The following KIAA1217 variants were observed in gnomAD, a reference collection of about 807,000 sequenced individuals.
KIAA1217 encodes the protein sickle tail protein homolog.
A neutral mutation model predicts 163.9 loss-of-function variants in KIAA1217; 88 were observed. The observed-to-expected ratio is 0.54, with a 90% confidence interval of 0.45 to 0.64. The LOEUF is 0.64. Ranked by LOEUF, KIAA1217 falls within the 30% of genes least tolerant of loss-of-function variation. The pLI, the probability that KIAA1217 is intolerant of heterozygous loss-of-function variation, is 0.00. For missense variants in KIAA1217, 2,372 were observed against 2,475.0 expected (o/e 0.96, Z 0.88); for synonymous variants, 903 against 923.1 (o/e 0.98, Z 0.39).
intron 2 of KIAA1217, among the ~76,000 whole-genome samples, chr10:24,223,479 T>C (rs2069958360): frequency 6.6e-6 from 1 of 152,102 alleles, no homozygotes; most frequent in African/African-American, 2.4e-5. Flanking sequence ...CAGGCTTCCT[T>C]TGCAGGAAGA....
At chr10:24,167,612 C>T (rs986811778) in intron 2 of KIAA1217, among the ~76,000 whole-genome samples, 1 of 152,114 alleles carries the variant, frequency 6.6e-6, no homozygotes, top group Admixed American at 6.5e-5. Flanking sequence ...CCAACTTGGA[C>T]AACTGTGAAG....
At chr10:23,940,328 C>G (rs1240134862) in intron 1 of KIAA1217, among the ~76,000 whole-genome samples, 1 of 151,840 alleles carries the variant, frequency 6.6e-6, no homozygotes, top group Non-Finnish European at 1.5e-5. Flanking sequence ...GGTGTGGTGG[C>G]AGGTGCCTGT....
At chr10:23,819,920 T>A (rs1426487279) in intron 1 of KIAA1217, among the ~76,000 whole-genome samples, 1 of 152,184 alleles carries the variant, frequency 6.6e-6, no homozygotes, top group African/African-American at 2.4e-5. Context: ...AAATAAAACT[T>A]CTGGACTAAA....
chr10:24,123,109 G>A (rs1470174668), intron 2 of KIAA1217, among the ~76,000 whole-genome samples: 2 of 145,936 alleles, frequency 1.4e-5, no homozygotes, highest in Non-Finnish European at 3.0e-5. Flanking sequence ...GTGTATTTTG[G>A]TATCTTGGCA....
intron 2 of KIAA1217, among the ~76,000 whole-genome samples, chr10:24,147,002 T>C (rs1320466772): frequency 6.8e-6 from 1 of 146,120 alleles, no homozygotes; most frequent in Non-Finnish European, 1.5e-5. Context: ...TGTTTTTGTT[T>C]TGTTAAAAAA....
intron 2 of KIAA1217, among the ~76,000 whole-genome samples, chr10:24,367,706 T>A (rs1215217455): frequency 3.9e-5 from 6 of 152,236 alleles, no homozygotes; most frequent in Admixed American, 3.9e-4. Context: ...ATTTTAATAA[T>A]GATCATAATG....
intron 1 of KIAA1217, among the ~76,000 whole-genome samples, chr10:23,910,954 A>T (rs1416273868): frequency 6.6e-6 from 1 of 152,146 alleles, no homozygotes; most frequent in East Asian, 1.9e-4. Context: ...CAATGGCCAT[A>T]CCCTGGAATT....
intron 5 of KIAA1217, among the ~76,000 whole-genome samples, chr10:24,470,537 CA>C (rs1275294419): frequency 6.6e-6 from 1 of 152,094 alleles, no homozygotes; most frequent in Non-Finnish European, 1.5e-5. Context: ...GGAGTGAGGA[CA>C]GCATCAGGAT....
Position 24,544,253 on chromosome 10 carries a change from C to T in KIAA1217, c.4983C>T (p.Asn1661=), listed in dbSNP as rs773462385. Reference sequence around the variant, plus strand: ...CAAGAACTGATGAAATTAGAAAAAACACCTACAGAACATTGGATAGCCTGG... The same window carrying T: ...CAAGAACTGATGAAATTAGAAAAAATACCTACAGAACATTGGATAGCCTGG... ...PISRTDEIRK[N]TYRTLDSLEQ... Residue 1661 remains asparagine (N), a synonymous_variant, in exon 19 of 21, where the codon AAC becomes AAT. Transcript: ENST00000376454. 3 of 1,614,138 alleles carry T rather than the reference C, an allele frequency of 1.9e-6. No homozygotes were observed. Among genetic ancestry groups the T allele is most frequent in the Non-Finnish European group, 2.5e-6 (3 of 1,180,042 alleles).
chr10:23,740,031 G>GC (rs915335419), intron 1 of KIAA1217, among the ~76,000 whole-genome samples: 1 of 150,872 alleles, frequency 6.6e-6, no homozygotes, highest in African/African-American at 2.5e-5. Flanking sequence ...GGTGAAGATG[G>GC]GGGGGTTCCA....
At chr10:23,852,653 A>G (rs1293507503) in intron 1 of KIAA1217, among the ~76,000 whole-genome samples, 1 of 152,094 alleles carries the variant, frequency 6.6e-6, no homozygotes, top group Non-Finnish European at 1.5e-5. Flanking sequence ...ATGAGCATGG[A>G]ATGTTCTTCC....
intron 1 of KIAA1217, among the ~76,000 whole-genome samples, chr10:23,923,014 T>C (rs1053020736): frequency 6.6e-6 from 1 of 152,190 alleles, no homozygotes; most frequent in Non-Finnish European, 1.5e-5. Context: ...TCTTTAGTGG[T>C]GAGTTCTGAG....
chr10:23,789,658 T>C (rs1198591480), intron 1 of KIAA1217, among the ~76,000 whole-genome samples: 1 of 152,084 alleles, frequency 6.6e-6, no homozygotes, highest in Non-Finnish European at 1.5e-5. Flanking sequence ...AATGTAGAGC[T>C]TTATTCAGCT....
chr10:23,725,410 A>G (rs1428083651), intron 1 of KIAA1217, among the ~76,000 whole-genome samples: 1 of 152,232 alleles, frequency 6.6e-6, no homozygotes, highest in African/African-American at 2.4e-5. Context: ...TGTTTAAGGA[A>G]TACACAGAAA....
At chr10:24,299,239 G>T (rs2040999916) in intron 2 of KIAA1217, among the ~76,000 whole-genome samples, 3 of 152,210 alleles carry the variant, frequency 2.0e-5, no homozygotes, top group South Asian at 4.1e-4. Flanking sequence ...AGGTTCTTTA[G>T]ATTATTTTGA....
chr10:24,413,281 G>A (rs2057959410), intron 3 of KIAA1217, among the ~76,000 whole-genome samples: 1 of 152,156 alleles, frequency 6.6e-6, no homozygotes, highest in Non-Finnish European at 1.5e-5. Flanking sequence ...CACCTCCTGG[G>A]TTTAAGTGAT....
intron 1 of KIAA1217, among the ~76,000 whole-genome samples, chr10:23,941,161 A>G (rs1843748414): frequency 1.3e-5 from 2 of 152,240 alleles, no homozygotes; most frequent in Admixed American, 6.5e-5. Flanking sequence ...GGTTGTTCAG[A>G]CAGTCAAATT....
At chr10:23,997,188 A>C (rs1456066571) in intron 1 of KIAA1217, among the ~76,000 whole-genome samples, 1 of 152,220 alleles carries the variant, frequency 6.6e-6, no homozygotes, top group Non-Finnish European at 1.5e-5. Flanking sequence ...ACTTGCAGGA[A>C]GTTCTACTGT....
chr10:24,180,614 C>T (rs1270144387), intron 2 of KIAA1217, among the ~76,000 whole-genome samples: 2 of 152,112 alleles, frequency 1.3e-5, no homozygotes, highest in Non-Finnish European at 2.9e-5. Flanking sequence ...TCCTTCAACT[C>T]AAGTTCAAAT....
Sources: allele counts gnomAD v4.1 joint callset (sites outside exome capture counted in the v4.1 genomes callset), GRCh38; gene constraint gnomAD v4.1.1; transcripts MANE v1.5; gene names NCBI Gene and HGNC (gene_info 2026-07-23, HGNC 2026-07-21).